The following ZNF710 variants were observed in gnomAD, a reference collection of about 807,000 sequenced individuals.
The protein encoded by ZNF710 is zinc finger protein 710.
A neutral mutation model predicts 50.6 loss-of-function variants in ZNF710; 13 were observed. The observed-to-expected ratio is 0.26, with a 90% CI of 0.17 to 0.41. ZNF710 has a LOEUF of 0.41. Ranked by LOEUF, ZNF710 falls within the 10% of genes least tolerant of loss-of-function variation. The probability of loss-of-function intolerance (pLI) is 1.00; values close to 1 mark genes in which losing one functional copy is unlikely to be tolerated. For missense variants in ZNF710, 721 were observed against 936.6 expected (o/e 0.77, Z 3.01); for synonymous variants, 383 against 397.0 (o/e 0.96, Z 0.42).
At chr15:90,022,457 G>A (rs980457986) in intron 1 of ZNF710, among the ~76,000 whole-genome samples, 1 of 152,222 alleles carries the variant, frequency 6.6e-6, no homozygotes, top group Non-Finnish European at 1.5e-5. Context: ...AGGAGTCCGA[G>A]GGGGATTGTG....
chr15:89,999,910 A>AGGAAGGAAGGGAAG (rs1381198171), upstream of ZNF710, among the ~76,000 whole-genome samples: 1 of 151,452 alleles, frequency 6.6e-6, no homozygotes, highest in Non-Finnish European at 1.5e-5. Flanking sequence ...TGCAGCCGGG[A>AGGAAGGAAGGGAAG]GGAAGGAAGG....
At chr15:90,000,110 T>TA (rs942127089), upstream of ZNF710, among the ~76,000 whole-genome samples, 2 of 151,774 alleles carry the variant, frequency 1.3e-5, no homozygotes, top group African/African-American at 4.8e-5. Context: ...GCTCAATACT[T>TA]ACTTGGGAAA....
At chr15:90,051,459 C>T (rs1173951246) in intron 1 of ZNF710, among the ~76,000 whole-genome samples, 1 of 151,848 alleles carries the variant, frequency 6.6e-6, no homozygotes, top group Non-Finnish European at 1.5e-5. Flanking sequence ...CATGGCAAAA[C>T]CTGCCTCTAC....
At chr15:89,999,915 G>A (rs1300531574), upstream of ZNF710, among the ~76,000 whole-genome samples, 2 of 151,904 alleles carry the variant, frequency 1.3e-5, no homozygotes, top group African/African-American at 2.4e-5. Context: ...CCGGGAGGAA[G>A]GAAGGGAAGG....
chr15:90,012,764 ATG>A (rs1898348276), intron 1 of ZNF710, among the ~76,000 whole-genome samples: 1 of 152,008 alleles, frequency 6.6e-6, no homozygotes, highest in African/African-American at 2.4e-5. Context: ...AATATATCTA[ATG>A]TGTTTTACTC....
At chr15:90,042,924 G>A (rs955847393) in intron 1 of ZNF710, among the ~76,000 whole-genome samples, 4 of 152,232 alleles carry the variant, frequency 2.6e-5, no homozygotes, top group South Asian at 2.1e-4. Context: ...ACGCCTCAAC[G>A]TCCAAAGAGG....
chr15:90,027,488 A>G (rs1309220184), intron 1 of ZNF710, among the ~76,000 whole-genome samples: 2 of 152,116 alleles, frequency 1.3e-5, no homozygotes, highest in African/African-American at 4.8e-5. Flanking sequence ...AGGATTATAG[A>G]CGTGAGCCAT....
chr15:90,074,010 A>AAC, intron 3 of ZNF710, 106 bp from the exon 4 acceptor site: 1 of 1,262,320 alleles, frequency 7.9e-7, no homozygotes, highest in Non-Finnish European at 1.1e-6. Context: ...CAAAAAAAAA[A>AAC]AACAAAAGAA....
chr15:90,074,513 A>G (rs1268580621), intron 4 of ZNF710: 5 of 1,498,776 alleles, frequency 3.3e-6, no homozygotes, highest in African/African-American at 2.8e-5. Context: ...TAAACAATAT[A>G]ATAAAAATCA....
intron 2 of ZNF710, among the ~76,000 whole-genome samples, chr15:90,069,983 A>G (rs1039433721): frequency 1.3e-5 from 2 of 151,942 alleles, no homozygotes; most frequent in African/African-American, 2.4e-5. Context: ...CACCAACTTT[A>G]CCCTTCAAAG....
At chr15:90,050,482 T>A (rs932552122) in intron 1 of ZNF710, among the ~76,000 whole-genome samples, 4 of 152,178 alleles carry the variant, frequency 2.6e-5, no homozygotes, top group Non-Finnish European at 5.9e-5. Context: ...GTCTTCCTAA[T>A]CAGCTTCTCC....
chr15:90,073,309 C>G, intron 3 of ZNF710, 47 bp downstream of exon 3: 2 of 1,581,564 alleles, frequency 1.3e-6, no homozygotes, highest in South Asian at 1.1e-5. Context: ...CGAGGGTGGT[C>G]TGGAATCAGC....
intron 1 of ZNF710, among the ~76,000 whole-genome samples, chr15:90,043,250 C>A (rs1174829541): frequency 2.0e-5 from 3 of 152,256 alleles, no homozygotes; most frequent in Admixed American, 2.0e-4. Flanking sequence ...TGCCCCGCTA[C>A]CTGGTTAAGG....
At chr15:90,045,520 GCCCAGGGGCCGC>G in intron 1 of ZNF710, 2 of 559,368 alleles carry the variant, frequency 3.6e-6, no homozygotes, top group Non-Finnish European at 2.3e-6. Flanking sequence ...CAAGGCCTGA[GCCCAGGGGCCGC>G]TGGGATGCAG....
rs1440366344 is a variant in ZNF710 at position 90,044,656 on chromosome 15, G to GT, written c.-28-22448dup. 1.1e-4 allele frequency among the ~76,000 whole-genome samples: 17 copies of GT among 152,292 alleles called. No individual in the cohort carries two copies. The East Asian group carries it at 2.3e-3, about 21-fold the overall frequency. ...TAAATTATCCAAACAGAACAGTTTGGTTTTTTCCCTGTAGGCCTCTTTATT... is the reference window on the plus strand; with the variant it reads ...TAAATTATCCAAACAGAACAGTTTGGTTTTTTTCCCTGTAGGCCTCTTTATT... On this transcript the variant is annotated intron_variant, in intron 1 of 4. Coordinates refer to ENST00000268154, the MANE Select transcript of ZNF710 (RefSeq NM_198526.4).
intron 1 of ZNF710, among the ~76,000 whole-genome samples, chr15:90,004,809 C>G (rs943334294): frequency 1.3e-5 from 2 of 152,236 alleles, no homozygotes; most frequent in Non-Finnish European, 2.9e-5. Flanking sequence ...TCACGCCGCA[C>G]ACGAGTTGGG....
rs539868904 is a variant in ZNF710 at position 90,040,550 on chromosome 15, C to A, written c.-28-26560C>A. Among the ~76,000 whole-genome samples the A allele has an allele frequency of 1.3e-5, 2 of 152,188 alleles. No homozygotes were observed. The highest frequency in any genetic ancestry group is 1.5e-5 in the Non-Finnish European group (1 of 68,036). On this transcript the variant is annotated intron_variant, in intron 1 of 4. Coordinates refer to ENST00000268154, the MANE Select transcript of ZNF710 (RefSeq NM_198526.4). The surrounding 1 kb of genome is among the most constrained non-coding windows in gnomAD (Gnocchi z 4.6). ...TAATGCTCCGGGAGTTCACAGTGAT[C>A]CCGATTTGACTTCACAGTGACTCCT...
At chr15:90,022,975 C>T (rs892716230) in intron 1 of ZNF710, among the ~76,000 whole-genome samples, 1 of 152,172 alleles carries the variant, frequency 6.6e-6, no homozygotes, top group Admixed American at 6.5e-5. Context: ...CCAGTCCTGG[C>T]AAGGGGAAGA....
At chr15:90,002,413 C>A (rs1237125842) in intron 1 of ZNF710, 2 of 152,040 alleles carry the variant, frequency 1.3e-5, no homozygotes, top group Non-Finnish European at 2.9e-5. Flanking sequence ...GGGGTCCCTA[C>A]GGCCCGTCTT....
Sources: allele counts gnomAD v4.1 joint callset (sites outside exome capture counted in the v4.1 genomes callset), GRCh38; gene constraint gnomAD v4.1.1; non-coding constraint Gnocchi (gnomAD v3.1); transcripts MANE v1.5; gene names NCBI Gene and HGNC (gene_info 2026-07-23, HGNC 2026-07-21).